SCN2A: variants seen among roughly 807,000 people sequenced by gnomAD.
SCN2A encodes sodium voltage-gated channel alpha subunit 2.
A neutral mutation model predicts 188.7 loss-of-function variants in SCN2A; 20 were observed. The observed-to-expected ratio is 0.11, with a 90% CI of 0.07 to 0.15. The LOEUF is 0.15. Among genes scored for constraint, SCN2A ranks in the 10% least tolerant of loss-of-function variants. SCN2A has a pLI of 1.00. For synonymous variants in SCN2A, 804 were observed against 833.1 expected, an observed-to-expected ratio of 0.97 and a Z score of 0.60; for missense variants, 1,278 against 2,445.0, an observed-to-expected ratio of 0.52 and a Z score of 10.07.
intron 22 of SCN2A, among the ~76,000 whole-genome samples, chr2:165,377,138 C>T (rs760657880): frequency 1.4e-4 from 22 of 151,856 alleles, no homozygotes; most frequent in Admixed American, 2.0e-4. Context: ...AGAAGATTTT[C>T]AAGAATAAGC....
chr2:165,267,846 A>T (rs908785168), intron 1 of SCN2A: 2 of 152,036 alleles, frequency 1.3e-5, no homozygotes, highest in African/African-American at 4.8e-5. Context: ...GTGTATGATA[A>T]AATTCCCAAT....
At chr2:165,247,023 T>C (rs1479094379) in intron 1 of SCN2A, among the ~76,000 whole-genome samples, 2 of 152,158 alleles carry the variant, frequency 1.3e-5, no homozygotes, top group African/African-American at 2.4e-5. Context: ...TATCACTGCA[T>C]GTGCCTTCCT....
chr2:165,341,212 G>C (rs949707915), intron 14 of SCN2A, among the ~76,000 whole-genome samples: 3 of 152,190 alleles, frequency 2.0e-5, no homozygotes, highest in Admixed American at 6.5e-5. Flanking sequence ...TCCTGCCTCA[G>C]CCTCCCGAGT....
intron 1 of SCN2A, among the ~76,000 whole-genome samples, chr2:165,262,952 A>AT (rs1208535590): frequency 6.6e-6 from 1 of 151,956 alleles, no homozygotes. Flanking sequence ...GAGTAAGGTG[A>AT]TATCTCATTG....
intron 25 of SCN2A, among the ~76,000 whole-genome samples, chr2:165,385,394 T>C (rs1701817927): frequency 6.6e-6 from 1 of 152,146 alleles, no homozygotes; most frequent in Non-Finnish European, 1.5e-5. Context: ...TGATCAGAAC[T>C]GGTTTACAAG....
At chr2:165,383,429 T>C (rs747369785) in intron 25 of SCN2A, among the ~76,000 whole-genome samples, 10 of 152,080 alleles carry the variant, frequency 6.6e-5, no homozygotes, top group Admixed American at 1.3e-4. Flanking sequence ...AAAGTCAAGG[T>C]TCATTTGGGA....
intron 11 of SCN2A, among the ~76,000 whole-genome samples, chr2:165,316,026 T>C (rs1286547842): frequency 6.6e-6 from 1 of 152,126 alleles, no homozygotes. Flanking sequence ...TTGGAGAAAT[T>C]TTCCACATCA....
intron 1 of SCN2A, chr2:165,271,640 C>G (rs981762374): frequency 6.6e-6 from 1 of 152,218 alleles, no homozygotes; most frequent in Admixed American, 6.5e-5. Flanking sequence ...TGAGTTTTGA[C>G]AAATGTATTC....
At chr2:165,341,505 C>G (rs1384546015) in intron 14 of SCN2A, among the ~76,000 whole-genome samples, 1 of 152,190 alleles carries the variant, frequency 6.6e-6, no homozygotes, top group Non-Finnish European at 1.5e-5. Flanking sequence ...GAATTCCTTG[C>G]AAAGTCCAAA....
intron 20 of SCN2A, 119 bp from the exon 21 acceptor site, chr2:165,373,105 CT>C (rs1701129906): frequency 9.2e-7 from 1 of 1,091,122 alleles, no homozygotes; most frequent in African/African-American, 1.6e-5. Context: ...AACAAGACCC[CT>C]GGGTGATTTT....
In SCN2A at chr2:165,308,807, A is replaced by AT. The variant is rs1358748908; in HGVS notation, c.605+14dup. The AT allele has an allele frequency of 5.0e-6, 8 of 1,612,284 alleles. No homozygotes were observed. The highest frequency in any genetic ancestry group is 1.3e-5 in the African/African-American group (1 of 74,854). On this transcript the variant is annotated intron_variant, in intron 5 of 26. Coordinates refer to ENST00000375437, the MANE Select transcript of SCN2A (RefSeq NM_001040142.2). Reference sequence around the variant, plus strand: ...TCATTACTTTTGCGTAAGTATCTTAATACATTTTCTATCCTGGAAGAGTAA... The same window carrying AT: ...TCATTACTTTTGCGTAAGTATCTTAATTACATTTTCTATCCTGGAAGAGTAA...
At chr2:165,308,902 T>C in intron 5 of SCN2A, 108 bp downstream of exon 5, 2 of 1,376,230 alleles carry the variant, frequency 1.5e-6, no homozygotes, top group Non-Finnish European at 2.0e-6. Context: ...TTTTTCTTAG[T>C]AATCATAGTT....
Position 165,333,011 on chromosome 2 carries a change from G to GCCT in SCN2A, c.2388+1447_2388+1449dup, listed in dbSNP as rs372991075. Among the ~76,000 whole-genome samples, 560 of 152,048 alleles carry GCCT rather than the reference G, an allele frequency of 3.7e-3. 6 individuals are homozygous for GCCT. Among genetic ancestry groups the GCCT allele is most frequent in the African/African-American group, 0.013 (544 of 41,524 alleles). On this transcript the variant is annotated intron_variant, in intron 14 of 26. Coordinates refer to ENST00000375437, the MANE Select transcript of SCN2A (RefSeq NM_001040142.2). The stretch of plus-strand genomic sequence containing the variant: ...GTAGCTCCATGTACAGAAAGTTTGT[G>GCCT]CCTCCTAACTAGTAGCTTTAATTAA...
At chr2:165,306,925 A>T (rs748154470) in intron 3 of SCN2A, among the ~76,000 whole-genome samples, 56 of 152,160 alleles carry the variant, frequency 3.7e-4, no homozygotes, top group Non-Finnish European at 6.9e-4. Context: ...ATGGCAACTA[A>T]ATCTTTATTA....
intron 1 of SCN2A, among the ~76,000 whole-genome samples, chr2:165,257,934 C>T (rs1694401835): frequency 1.3e-5 from 2 of 152,100 alleles, no homozygotes; most frequent in Non-Finnish European, 1.5e-5. Context: ...ATGTATGTCA[C>T]TTGAAAAGTG....
intron 14 of SCN2A, among the ~76,000 whole-genome samples, chr2:165,339,742 T>C (rs916389619): frequency 2.6e-5 from 4 of 152,336 alleles, no homozygotes; most frequent in African/African-American, 9.6e-5. Context: ...TACCCAAATG[T>C]ATCTATCAAT....
intron 14 of SCN2A, among the ~76,000 whole-genome samples, chr2:165,336,222 C>T (rs1371268905): frequency 2.0e-5 from 3 of 151,892 alleles, no homozygotes; most frequent in South Asian, 2.1e-4. Flanking sequence ...AGAGTTACCA[C>T]ATGACCTGGC....
Position 165,323,152 on chromosome 2 carries a change from A to G in SCN2A, c.1672-4A>G, listed in dbSNP as rs1380100407. 4 of 1,613,684 alleles carry G rather than the reference A, an allele frequency of 2.5e-6. No individual in the cohort carries two copies. Among genetic ancestry groups the G allele is most frequent in the Admixed American group, 3.3e-5 (2 of 59,996 alleles). ...ATTTTTGTTTCTTCTCTTGTTATTC[A>G]TAGTCCTTACTGAGCATCCGTGGCT... is the stretch of plus-strand genomic sequence containing the variant. On this transcript the variant is annotated splice_polypyrimidine_tract_variant and splice_region_variant and intron_variant, in intron 11 of 26. Transcript: ENST00000375437.
intron 17 of SCN2A, among the ~76,000 whole-genome samples, chr2:165,356,848 T>C (rs1458766378): frequency 6.6e-6 from 1 of 152,212 alleles, no homozygotes; most frequent in Non-Finnish European, 1.5e-5. Flanking sequence ...CTTGTTTCTC[T>C]TGTTATCATT....
Sources: gnomAD v4.1 joint callset for allele counts (sites outside exome capture counted in the v4.1 genomes callset) on GRCh38, gnomAD v4.1.1 for gene constraint, MANE v1.5 for transcripts, NCBI Gene and HGNC (gene_info 2026-07-23, HGNC 2026-07-21) for gene names.